The following PPARGC1B variants were observed in gnomAD, a reference collection of about 807,000 sequenced individuals.
PPARGC1B encodes the protein peroxisome proliferator-activated receptor gamma coactivator 1-beta.
A neutral mutation model predicts 101.6 loss-of-function variants in PPARGC1B; 34 were observed. That is an observed-to-expected ratio of 0.33 (90% CI 0.25 to 0.45). PPARGC1B has a LOEUF of 0.45. Ranked by LOEUF, PPARGC1B falls within the 20% of genes least tolerant of loss-of-function variation. The pLI, the probability that PPARGC1B is intolerant of heterozygous loss-of-function variation, is 1.00. For synonymous variants in PPARGC1B, 548 were observed against 539.3 expected, an observed-to-expected ratio of 1.02 and a Z score of -0.22; for missense variants, 1,234 against 1,317.6, an observed-to-expected ratio of 0.94 and a Z score of 0.98.
rs935337032 is a variant in PPARGC1B at position 149,730,928 on chromosome 5, C to T, written c.78+508C>T. Among the ~76,000 whole-genome samples the T allele has an allele frequency of 2.0e-5, 3 of 152,250 alleles. No individual in the cohort carries two copies. The highest frequency in any genetic ancestry group is 2.9e-5 in the Non-Finnish European group (2 of 68,040). On this transcript the variant is annotated intron_variant, in intron 1 of 11. Transcript: ENST00000309241. The surrounding 1 kb of genome is among the most constrained non-coding windows in gnomAD (Gnocchi z 4.0). The stretch of plus-strand genomic sequence containing the variant: ...GGCCCCCCGCGGCTTTCTACCCGCG[C>T]CCGCAGCGCGGAGTTTCCTGCCAGT...
intron 1 of PPARGC1B, among the ~76,000 whole-genome samples, chr5:149,780,745 A>G (rs2113221588): frequency 6.6e-6 from 1 of 152,314 alleles, no homozygotes; most frequent in East Asian, 1.9e-4. Context: ...CTCAGAGAAA[A>G]CAGAATCAAA....
chr5:149,793,046 C>T (rs779049996), intron 1 of PPARGC1B, among the ~76,000 whole-genome samples: 3 of 151,882 alleles, frequency 2.0e-5, no homozygotes, highest in East Asian at 1.9e-4. Flanking sequence ...TTCATCCAGG[C>T]GGAGGAGAGG....
At chr5:149,757,369 G>T (rs537590640) in intron 1 of PPARGC1B, among the ~76,000 whole-genome samples, 1 of 151,980 alleles carries the variant, frequency 6.6e-6, no homozygotes, top group South Asian at 2.1e-4. Flanking sequence ...TTCAGAGCAG[G>T]TGATATGCTA....
chr5:149,747,401 C>A (rs1444004601), intron 1 of PPARGC1B, among the ~76,000 whole-genome samples: 2 of 152,208 alleles, frequency 1.3e-5, no homozygotes, highest in Non-Finnish European at 2.9e-5. Context: ...CTAACAGTGT[C>A]AGGAGAAAAA....
intron 1 of PPARGC1B, among the ~76,000 whole-genome samples, chr5:149,785,867 T>G (rs1432529468): frequency 2.0e-5 from 3 of 151,984 alleles, no homozygotes; most frequent in Non-Finnish European, 4.4e-5. Context: ...AGGACAAGGC[T>G]TGGCTCAGAG....
At chr5:149,836,095 G>A (rs1465625188) in intron 7 of PPARGC1B, among the ~76,000 whole-genome samples, 168 bp from the exon 8 acceptor site, 4 of 151,836 alleles carry the variant, frequency 2.6e-5, no homozygotes, top group Non-Finnish European at 5.9e-5. Flanking sequence ...CACCGTGTTG[G>A]CCAGGCTGGT....
chr5:149,789,630 A>G (rs752854741), intron 1 of PPARGC1B, among the ~76,000 whole-genome samples: 1 of 152,168 alleles, frequency 6.6e-6, no homozygotes, highest in Non-Finnish European at 1.5e-5. Context: ...TGTTATCCTC[A>G]TCTTACAGAA....
At chr5:149,737,624 G>T (rs1027646384) in intron 1 of PPARGC1B, among the ~76,000 whole-genome samples, 4 of 152,228 alleles carry the variant, frequency 2.6e-5, no homozygotes, top group Non-Finnish European at 4.4e-5. Flanking sequence ...CGATTTGCCA[G>T]CTTCGAGGCC....
chr5:149,770,636 T>C (rs946800606), intron 1 of PPARGC1B, among the ~76,000 whole-genome samples: 14 of 151,902 alleles, frequency 9.2e-5, no homozygotes, highest in African/African-American at 3.4e-4. Context: ...TGCTTGAGGC[T>C]AGCCTGGGCA....
At chr5:149,757,069 T>G (rs4705088) in intron 1 of PPARGC1B, among the ~76,000 whole-genome samples, 67,786 of 151,940 alleles carry the variant, frequency 0.45, 15,460 homozygotes, top group South Asian at 0.53. Flanking sequence ...TTTCAGCTAG[T>G]GATAAGCCCT....
intron 1 of PPARGC1B, among the ~76,000 whole-genome samples, chr5:149,798,119 C>T (rs1200333623): frequency 6.6e-6 from 1 of 152,180 alleles, no homozygotes; most frequent in Non-Finnish European, 1.5e-5. Flanking sequence ...AGTGTCTTGG[C>T]CAGGGCCACA....
At chr5:149,847,330 C>T (rs146271786) in intron 11 of PPARGC1B, 128 bp from the exon 12 acceptor site, 4 of 797,088 alleles carry the variant, frequency 5.0e-6, no homozygotes, top group Non-Finnish European at 9.2e-6. Context: ...CTCATCCCAG[C>T]TCCCCAAGGC....
rs1330737698 is a variant in PPARGC1B, at chr5:149,730,780, G to A, written c.78+360G>A. 1.3e-5 allele frequency among the ~76,000 whole-genome samples: 2 copies of A among 152,160 alleles called. No homozygotes were observed. Among genetic ancestry groups the A allele is most frequent in the African/African-American group, 4.8e-5 (2 of 41,460 alleles). On this transcript the variant is annotated intron_variant, in intron 1 of 11. Transcript: ENST00000309241. The surrounding 1 kb of genome is among the most constrained non-coding windows in gnomAD (Gnocchi z 4.0). Reference sequence around the variant, plus strand: ...GGCTGGCGCTGGGTGCTGGAGGCGCGCCGTCAGCGCCCGGCACTTGCTGCC... The same window carrying A: ...GGCTGGCGCTGGGTGCTGGAGGCGCACCGTCAGCGCCCGGCACTTGCTGCC...
chr5:149,836,401 G>T lies in PPARGC1B; in HGVS notation c.1946G>T (p.Gly649Val). ...GGCCTCTCACTCAAGGCCACCCCAG[G>T]GGCTGCCCACAAGCTGCCAAAGAAG... ...PEGLSLKATPGAAHKLPKKHP... is the reference protein window; with the variant it reads ...PEGLSLKATPVAAHKLPKKHP... Residue 649 changes from glycine (G) to valine (V), a missense_variant, in exon 8 of 12, where the codon GGG becomes GTG. Gly to Val is a moderately radical substitution (Grantham distance 109). This residue lies in a region of PPARGC1B where 497 missense variants were observed against 529.5 expected (regional missense o/e 0.94). Transcript: ENST00000309241. 1 of 1,614,064 alleles carries T rather than the reference G, an allele frequency of 6.2e-7. No homozygotes were observed. Among genetic ancestry groups the T allele is most frequent in the South Asian group, 1.1e-5 (1 of 91,062 alleles).
chr5:149,819,651 C>T (rs1419797121), intron 1 of PPARGC1B, among the ~76,000 whole-genome samples: 1 of 152,162 alleles, frequency 6.6e-6, no homozygotes, highest in Non-Finnish European at 1.5e-5. Flanking sequence ...TACAGGCATG[C>T]GCCACCACCC....
chr5:149,835,421 T>G, intron 7 of PPARGC1B, 56 bp downstream of exon 7: 28 of 1,492,160 alleles, frequency 1.9e-5, no homozygotes, highest in Non-Finnish European at 2.4e-5. Context: ...CGTGCATCTC[T>G]GAGTTTTTCA....
chr5:149,845,819 C>G lies in PPARGC1B; in HGVS notation c.2876C>G (p.Thr959Arg). Reference sequence around the variant, plus strand: ...TCTGAGCACGCGGCCCTCTCTTTGACAAAGGGCGCTGCCCTGAGGAAGCGC... The same window carrying G: ...TCTGAGCACGCGGCCCTCTCTTTGAGAAAGGGCGCTGCCCTGAGGAAGCGC... ...RCSEHAALSL[T>R]KGAALRKRNE... Residue 959 changes from threonine (T) to arginine (R), a missense_variant, in exon 11 of 12, where the codon ACA becomes AGA. Physicochemically the swap from Thr to Arg is moderately conservative, Grantham distance 71. Transcript: ENST00000309241. 1 of 1,614,166 alleles carries G rather than the reference C, an allele frequency of 6.2e-7. No individual in the cohort carries two copies. Among genetic ancestry groups the G allele is most frequent in the South Asian group, 1.1e-5 (1 of 91,086 alleles).
chr5:149,731,007 A>T (rs995666678), intron 1 of PPARGC1B, among the ~76,000 whole-genome samples: 1 of 152,238 alleles, frequency 6.6e-6, no homozygotes, highest in Non-Finnish European at 1.5e-5. Flanking sequence ...GGGCGGAGAC[A>T]GCGTCTTCCT....
intron 1 of PPARGC1B, among the ~76,000 whole-genome samples, chr5:149,734,488 ATGTTT>A (rs1218980069): frequency 6.6e-6 from 1 of 151,966 alleles, no homozygotes; most frequent in African/African-American, 2.4e-5. Context: ...TGATTATATA[ATGTTT>A]TGTTGAAGAT....
Sources: gnomAD v4.1 joint callset for allele counts (sites outside exome capture counted in the v4.1 genomes callset) on GRCh38, gnomAD v4.1.1 for gene constraint, gnomAD v4.1.1 regional missense constraint, Gnocchi (gnomAD v3.1) non-coding constraint, MANE v1.5 for transcripts, NCBI Gene and HGNC (gene_info 2026-07-23, HGNC 2026-07-21) for gene names.